GRIA3: variants seen among roughly 807,000 people sequenced by gnomAD.
GRIA3 encodes the protein glutamate ionotropic receptor AMPA type subunit 3, also known as glutamate receptor 3.
A neutral mutation model predicts 63.0 loss-of-function variants in GRIA3; 3 were observed. That is an observed-to-expected ratio of 0.05 (90% CI 0.02 to 0.12). The LOEUF (loss-of-function observed/expected upper bound fraction) is 0.12, where lower values mean the gene tolerates loss of function less well. Ranked by LOEUF, GRIA3 falls within the 10% of genes least tolerant of loss-of-function variation. The pLI is 1.00. For missense variants in GRIA3, 347 were observed against 700.9 expected (o/e 0.50, Z 5.70); for synonymous variants, 274 against 257.9 (o/e 1.06, Z -0.60).
rs2045463430 is a variant in GRIA3 at position 123,404,802 on chromosome X, C to G, written c.1388C>G (p.Ala463Gly). Residue 463 changes from alanine to glycine, a missense_variant, in exon 10 of 16, where the codon GCC becomes GGC. Ala to Gly is a moderately conservative substitution (Grantham distance 60). Around this residue, in one of 8 missense-constraint regions of GRIA3, gnomAD observed 65 missense variants for 145.8 expected, o/e 0.45. Transcript: ENST00000620443. ...TGTGTAGACCTAGCCTATGAAATAG[C>G]CAAACATGTAAGGATCAAATACAAA... The part of the protein sequence containing the change: ...GYCVDLAYEI[A>G]KHVRIKYKLS... The G allele has an allele frequency of 1.7e-6, 2 of 1,199,020 alleles. No homozygotes were observed. The highest frequency in any genetic ancestry group is 2.2e-5 in the Admixed American group (1 of 45,695).
At chrX:123,293,802 TACATTAACTC>T (rs773119231) in intron 3 of GRIA3, among the ~76,000 whole-genome samples, 34 of 110,918 alleles carry the variant, frequency 3.1e-4, no homozygotes, top group Non-Finnish European at 5.5e-4. Context: ...GCACCTCACG[TACATTAACTC>T]ACTCTTCACA....
chrX:123,464,081 A>G (rs975583269), intron 12 of GRIA3, among the ~76,000 whole-genome samples: 3 of 111,126 alleles, frequency 2.7e-5, no homozygotes, highest in Non-Finnish European at 5.7e-5. Flanking sequence ...GGGACATAAT[A>G]AAGGCCTTTC....
chrX:123,373,253 T>C (rs1205636632), intron 5 of GRIA3, among the ~76,000 whole-genome samples: 4 of 111,786 alleles, frequency 3.6e-5, no homozygotes, highest in Non-Finnish European at 7.5e-5. Flanking sequence ...ATTTTCTTAA[T>C]CCAGTCTATC....
At chrX:123,313,429 A>G (rs775669608) in intron 3 of GRIA3, among the ~76,000 whole-genome samples, 9 of 111,077 alleles carry the variant, frequency 8.1e-5, no homozygotes, top group African/African-American at 2.0e-4. Flanking sequence ...CAGCCCTCCA[A>G]TGGTATTAGG....
intron 2 of GRIA3, among the ~76,000 whole-genome samples, chrX:123,228,925 T>C (rs1430544072): frequency 6.3e-5 from 7 of 111,952 alleles, no homozygotes; most frequent in African/African-American, 2.3e-4. Context: ...GATTTAATTA[T>C]ATAACACATA....
intron 7 of GRIA3, among the ~76,000 whole-genome samples, chrX:123,401,550 C>T (rs1371430850): frequency 8.9e-6 from 1 of 111,884 alleles, no homozygotes; most frequent in Admixed American, 9.5e-5. Context: ...GTGATGCCAC[C>T]TTCTCTGCAA....
At chrX:123,295,711 G>C (rs2044681665) in intron 3 of GRIA3, among the ~76,000 whole-genome samples, 2 of 111,392 alleles carry the variant, frequency 1.8e-5, no homozygotes, top group Admixed American at 1.9e-4. Context: ...AACCCTAGTT[G>C]ATTAGGAGCA....
chrX:123,248,412 T>C (rs992869685), intron 2 of GRIA3, among the ~76,000 whole-genome samples: 1 of 112,582 alleles, frequency 8.9e-6, no homozygotes, highest in Middle Eastern at 4.6e-3. Flanking sequence ...CCTTTCCCTC[T>C]GCACTTCATG....
intron 5 of GRIA3, among the ~76,000 whole-genome samples, chrX:123,392,993 G>A (rs754862388): frequency 3.6e-5 from 4 of 112,059 alleles, no homozygotes; most frequent in African/African-American, 1.3e-4. Flanking sequence ...TATTACAGGG[G>A]GAATAAAATG....
chrX:123,236,275 G>A (rs2044301447), intron 2 of GRIA3, among the ~76,000 whole-genome samples: 1 of 111,001 alleles, frequency 9.0e-6, no homozygotes. Context: ...AGTAGCCAAA[G>A]TAGGAGCTTT....
At chrX:123,372,441 T>C (rs944719081) in intron 5 of GRIA3, among the ~76,000 whole-genome samples, 2 of 112,246 alleles carry the variant, frequency 1.8e-5, no homozygotes, top group Non-Finnish European at 3.8e-5. Flanking sequence ...AGGATTGTAT[T>C]GAATCTGTAG....
chrX:123,427,858 T>C, intron 11 of GRIA3, 83 bp from the exon 12 acceptor site: 1 of 685,989 alleles, frequency 1.5e-6, no homozygotes, highest in Non-Finnish European at 2.4e-6. Flanking sequence ...AAACCACTCC[T>C]CTTTCCAGAA....
chrX:123,258,797 A>G, intron 3 of GRIA3, among the ~76,000 whole-genome samples: 1 of 111,438 alleles, frequency 9.0e-6, no homozygotes, highest in Non-Finnish European at 1.9e-5. Flanking sequence ...GAAACTCCCT[A>G]CTCAGTTCCC....
Position 123,266,317 on chromosome X carries a change from C to A in GRIA3, c.508+12775C>A, listed in dbSNP as rs73630703. 6.9e-3 allele frequency among the ~76,000 whole-genome samples: 767 copies of A among 111,383 alleles called. 5 individuals carry two copies. Among genetic ancestry groups the A allele is most frequent in the African/African-American group, 0.023 (696 of 30,678 alleles). On this transcript the variant is annotated intron_variant, in intron 3 of 15. Coordinates refer to ENST00000620443, the MANE Select transcript of GRIA3 (RefSeq NM_007325.5). Reference sequence around the variant, plus strand: ...CCTTTATCTTGATGCCCTACCTGGACCTCAAACTCAATGTTCTGAATTCCG... The same window carrying A: ...CCTTTATCTTGATGCCCTACCTGGAACTCAAACTCAATGTTCTGAATTCCG...
chrX:123,480,674 T>C (rs1177415681), intron 14 of GRIA3, among the ~76,000 whole-genome samples: 1 of 112,060 alleles, frequency 8.9e-6, no homozygotes, highest in Non-Finnish European at 1.9e-5. Context: ...GACTGGTCTC[T>C]GTAAGCAGAA....
chrX:123,399,464 T>C (rs1371177444), intron 7 of GRIA3, among the ~76,000 whole-genome samples: 1 of 112,235 alleles, frequency 8.9e-6, no homozygotes, highest in African/African-American at 3.2e-5. Context: ...TAGTATTTGC[T>C]GGGTAGGAGA....
chrX:123,300,192 ATTG>A (rs1338881300), intron 3 of GRIA3, among the ~76,000 whole-genome samples: 1 of 108,785 alleles, frequency 9.2e-6, no homozygotes, highest in Admixed American at 9.9e-5. Context: ...GTTTTCTTTT[ATTG>A]TTGTGTCGTT....
intron 5 of GRIA3, among the ~76,000 whole-genome samples, 185 bp from the exon 6 acceptor site, chrX:123,394,783 C>T (rs924908733): frequency 4.5e-5 from 5 of 112,288 alleles, no homozygotes; most frequent in Non-Finnish European, 7.5e-5. Flanking sequence ...TGCATATTTT[C>T]TCCATTATGC....
At position 123,311,744 on chromosome X, in the gene GRIA3, T is replaced by C. The variant is rs146170991; in HGVS notation, c.509-14282T>C. Among the ~76,000 whole-genome samples, 195 of 112,251 alleles carry C rather than the reference T, an allele frequency of 1.7e-3. 1 individual carries two copies. The highest frequency in any genetic ancestry group is 0.014 in the Middle Eastern group (3 of 217). ...AAGCACTGACTTACAATTGATTGCA[T>C]GGCCTGTATCCCTGTGAGCCTGAAA... On this transcript the variant is annotated intron_variant, in intron 3 of 15. Transcript: ENST00000620443.
Sources: allele counts gnomAD v4.1 joint callset (sites outside exome capture counted in the v4.1 genomes callset), GRCh38; gene constraint gnomAD v4.1.1; regional missense constraint gnomAD v4.1.1; transcripts MANE v1.5; gene names NCBI Gene and HGNC (gene_info 2026-07-23, HGNC 2026-07-21).